The following GCNT2 variants were observed in gnomAD, a reference collection of about 807,000 sequenced individuals.
GCNT2 encodes glucosaminyl (N-acetyl) transferase 2 (I blood group), also known as N-acetyllactosaminide beta-1,6-N-acetylglucosaminyl-transferase.
Under a neutral mutation model 34.2 loss-of-function variants are expected in GCNT2, and 34 were observed. That is an observed-to-expected ratio of 1.00 (90% CI 0.76 to 1.32). GCNT2 has a LOEUF of 1.32. Ranked by LOEUF, GCNT2 falls within the 40% of genes most tolerant of loss-of-function variation. The pLI is 0.00. For missense variants in GCNT2, 584 were observed against 489.4 expected (o/e 1.19, Z -1.82); for synonymous variants, 212 against 188.0 (o/e 1.13, Z -1.04).
Position 10,618,301 on chromosome 6 carries a change from CAG to C in GCNT2, c.926-3048_926-3047del, listed in dbSNP as rs372962466. Among the ~76,000 whole-genome samples, 199 of 152,270 alleles carry C rather than the reference CAG, an allele frequency of 1.3e-3. 2 individuals carry two copies. Among genetic ancestry groups the C allele is most frequent in the African/African-American group, 4.2e-3 (175 of 41,542 alleles). On this transcript the variant is annotated intron_variant, in intron 3 of 4. Transcript: ENST00000495262. The stretch of plus-strand genomic sequence containing the variant: ...TACGTGTTTGACACCTGTCATCAAA[CAG>C]AAAGTATTGAAGTTGAGGTTTGGAA...
At chr6:10,549,563 C>CTTTTTTT (rs33909973) in intron 3 of GCNT2, among the ~76,000 whole-genome samples, 1 of 104,300 alleles carries the variant, frequency 9.6e-6, no homozygotes, top group African/African-American at 4.3e-5. Context: ...ATCTCTCTCT[C>CTTTTTTT]TTTTTTTTTT....
At chr6:10,612,954 C>T (rs1409093974) in intron 3 of GCNT2, among the ~76,000 whole-genome samples, 1 of 152,358 alleles carries the variant, frequency 6.6e-6, no homozygotes, top group African/African-American at 2.4e-5. Context: ...TGATTTTCTA[C>T]AGCTGAACCA....
chr6:10,626,599 T>A lies in GCNT2; in HGVS notation c.1201T>A (p.Tyr401Asn). Reference sequence around the variant, plus strand: ...TGAAACTGCGATACAACCCAGCTGGTATTTTTGAGCTATTCATGAGCTACT... The same window carrying A: ...TGAAACTGCGATACAACCCAGCTGGAATTTTTGAGCTATTCATGAGCTACT... ...QSETAIQPSW[Y>N]F Residue 401 changes from tyrosine to asparagine, a missense_variant, in exon 5 of 5, where the codon TAT becomes AAT. By Grantham distance (143) the Tyr-to-Asn change is moderately radical. Coordinates refer to ENST00000495262, the MANE Select transcript of GCNT2 (RefSeq NM_145649.5). The A allele has an allele frequency of 6.2e-7, 1 of 1,610,674 alleles. No homozygotes were observed. The highest frequency in any genetic ancestry group is 8.5e-7 in the Non-Finnish European group (1 of 1,176,900).
intron 3 of GCNT2, among the ~76,000 whole-genome samples, chr6:10,567,506 G>T (rs1333854571): frequency 2.6e-5 from 4 of 152,154 alleles, no homozygotes; most frequent in Non-Finnish European, 4.4e-5. Context: ...TTGGAATGTG[G>T]TGCATTCCTA....
chr6:10,607,542 G>C (rs561580047), intron 3 of GCNT2, among the ~76,000 whole-genome samples: 1 of 151,860 alleles, frequency 6.6e-6, no homozygotes, highest in Non-Finnish European at 1.5e-5. Context: ...TGAGATTTGC[G>C]CAGGGACACA....
chr6:10,559,239 G>A (rs1762860308), intron 3 of GCNT2, among the ~76,000 whole-genome samples: 1 of 152,148 alleles, frequency 6.6e-6, no homozygotes, highest in South Asian at 2.1e-4. Flanking sequence ...GATCTCTTGG[G>A]AGACCAAAAG....
chr6:10,582,345 T>C (rs1764133629), intron 3 of GCNT2, among the ~76,000 whole-genome samples: 1 of 107,432 alleles, frequency 9.3e-6, no homozygotes, highest in Non-Finnish European at 1.6e-5. Context: ...CTATATAATA[T>C]ATAGTAATAT....
chr6:10,608,484 C>T (rs1358503510), intron 3 of GCNT2, among the ~76,000 whole-genome samples: 2 of 152,166 alleles, frequency 1.3e-5, no homozygotes, highest in Non-Finnish European at 2.9e-5. Flanking sequence ...TTTCACTCTA[C>T]CTTTTCCACT....
chr6:10,590,640 G>A (rs1764597393), intron 3 of GCNT2, among the ~76,000 whole-genome samples: 1 of 150,560 alleles, frequency 6.6e-6, no homozygotes, highest in African/African-American at 2.4e-5. Flanking sequence ...TGCAACCTCC[G>A]CCTCTCAGGT....
chr6:10,602,808 C>G lies in GCNT2; in HGVS notation c.926-18543C>G, dbSNP rs78008500. 4.3e-3 allele frequency among the ~76,000 whole-genome samples: 648 copies of G among 152,236 alleles called. 5 individuals are homozygous for G. Among genetic ancestry groups the G allele is most frequent in the Non-Finnish European group, 5.5e-3 (377 of 68,024 alleles). On this transcript the variant is annotated intron_variant, in intron 3 of 4. Transcript: ENST00000495262. ...TTGAAGGTGAAGAAGGCACTGTGTGCAGGGCAAGATGAAAATTTGTCTGGT... is the reference window on the plus strand; with the variant it reads ...TTGAAGGTGAAGAAGGCACTGTGTGGAGGGCAAGATGAAAATTTGTCTGGT...
chr6:10,607,514 G>T (rs182390185), intron 3 of GCNT2, among the ~76,000 whole-genome samples: 2 of 152,144 alleles, frequency 1.3e-5, no homozygotes, highest in Admixed American at 6.5e-5. Flanking sequence ...CTCCAACGCT[G>T]AGGATTACAA....
chr6:10,556,676 C>T, intron 3 of GCNT2: 10 of 1,614,160 alleles, frequency 6.2e-6, no homozygotes, highest in Non-Finnish European at 8.5e-6. Flanking sequence ...CATCACAGCC[C>T]CTTTATCTAA....
At chr6:10,562,656 GAAAAAA>G (rs57868433) in intron 3 of GCNT2, among the ~76,000 whole-genome samples, 22 of 77,524 alleles carry the variant, frequency 2.8e-4, no homozygotes, top group African/African-American at 4.3e-4. Flanking sequence ...GAACTTCTCT[GAAAAAA>G]AAAAAAAAAA....
In GCNT2 at chr6:10,582,452, A is replaced by AATTTAATATTTAT. The variant is rs1210885959; in HGVS notation, c.926-38899_926-38898insATTTAATATTTAT. Among the ~76,000 whole-genome samples, 12 of 127,620 alleles carry AATTTAATATTTAT rather than the reference A, an allele frequency of 9.4e-5. No individual in the cohort carries two copies. The South Asian group carries it at 2.0e-3, about 21-fold the overall frequency. 83.7% of individuals were successfully genotyped at this position (127,620 alleles called of 152,430 possible). A position where few individuals can be genotyped will look rare whatever the true frequency, so the allele number is the denominator to read the frequency against. ...TATAATTTAATATTTATTATATAAT[A>AATTTAATATTTAT]TATATAATAAATATAATATATACTA... is the stretch of plus-strand genomic sequence containing the variant. On this transcript the variant is annotated intron_variant, in intron 3 of 4. Transcript: ENST00000495262.
At position 10,580,041 on chromosome 6, in the gene GCNT2, G is replaced by A. The variant is rs149418155; in HGVS notation, c.926-41310G>A. On this transcript the variant is annotated intron_variant, in intron 3 of 4. Transcript: ENST00000495262. ...TTAGCTATAAGAACATTTTATGATC[G>A]TGTCTAAACTAAGATTTAACAGGCT... is the stretch of plus-strand genomic sequence containing the variant. 8.5e-5 allele frequency among the ~76,000 whole-genome samples: 13 copies of A among 152,182 alleles called. No individual in the cohort carries two copies. The East Asian group carries it at 1.5e-3, about 18-fold the overall frequency.
intron 3 of GCNT2, among the ~76,000 whole-genome samples, chr6:10,562,642 G>A (rs568290371): frequency 1.1e-4 from 13 of 117,808 alleles, no homozygotes; most frequent in Admixed American, 2.2e-4. Context: ...ACTTGACAGA[G>A]TCAGAACTTC....
intron 3 of GCNT2, chr6:10,587,016 A>G: frequency 1.2e-6 from 1 of 857,926 alleles, no homozygotes; most frequent in Non-Finnish European, 1.9e-6. Context: ...AAATTTAAAT[A>G]CTTAGAAAAC....
intron 3 of GCNT2, among the ~76,000 whole-genome samples, chr6:10,589,330 T>C (rs923779503): frequency 2.5e-5 from 3 of 121,500 alleles, no homozygotes; most frequent in Non-Finnish European, 6.0e-5. Flanking sequence ...GTGGTGTGTT[T>C]GTAGTGTGTG....
At chr6:10,542,268 A>G (rs554297266) in intron 3 of GCNT2, among the ~76,000 whole-genome samples, 33 of 152,318 alleles carry the variant, frequency 2.2e-4, no homozygotes, top group Admixed American at 1.5e-3. Flanking sequence ...AGGCTTGCCA[A>G]TCATCATCAT....
Sources: allele counts gnomAD v4.1 joint callset (sites outside exome capture counted in the v4.1 genomes callset), GRCh38; gene constraint gnomAD v4.1.1; transcripts MANE v1.5; gene names NCBI Gene and HGNC (gene_info 2026-07-23, HGNC 2026-07-21).